LRRC8B: variants seen among roughly 807,000 people sequenced by gnomAD.
LRRC8B encodes volume-regulated anion channel subunit LRRC8B.
Under a neutral mutation model 58.8 loss-of-function variants are expected in LRRC8B, and 23 were observed. The observed-to-expected ratio is 0.39, with a 90% CI of 0.28 to 0.55. The LOEUF is 0.55. LRRC8B is among the 20% of genes least tolerant of loss of function. The probability of loss-of-function intolerance (pLI) is 0.62; values close to 1 mark genes in which losing one functional copy is unlikely to be tolerated. For missense variants in LRRC8B, 694 were observed against 936.0 expected (o/e 0.74, Z 3.37); for synonymous variants, 359 against 374.1 (o/e 0.96, Z 0.47).
chr1:89,531,459 A>G (rs186813283), intron 1 of LRRC8B, among the ~76,000 whole-genome samples: 4 of 152,316 alleles, frequency 2.6e-5, no homozygotes, highest in Non-Finnish European at 5.9e-5. Flanking sequence ...AAAACAGGTA[A>G]TGGTGGTAAA....
chr1:89,583,932 A>T lies in LRRC8B; in HGVS notation c.1282A>T (p.Met428Leu). Residue 428 changes from methionine (M) to leucine (L), a missense_variant, in exon 5 of 6, where the codon ATG (methionine) becomes TTG (leucine). Physicochemically the swap from Met to Leu is conservative, Grantham distance 15. Coordinates refer to ENST00000330947, the MANE Select transcript of LRRC8B (RefSeq NM_001369817.2). The surrounding 1 kb of genome is among the most constrained non-coding windows in gnomAD (Gnocchi z 5.2). ...AQDKIELHLF[M>L]LNGLPDNVFE... ...GGACAAGATAGAACTGCATCTTTTT[A>T]TGCTCAACGGTCTTCCAGACAATGT... The T allele has an allele frequency of 6.2e-7, 1 of 1,614,194 alleles. No individual in the cohort carries two copies. The highest frequency in any genetic ancestry group is 8.5e-7 in the Non-Finnish European group (1 of 1,180,024).
intron 1 of LRRC8B, among the ~76,000 whole-genome samples, chr1:89,547,929 A>G (rs1407818106): frequency 6.6e-6 from 1 of 152,232 alleles, no homozygotes; most frequent in African/African-American, 2.4e-5. Flanking sequence ...GCTACATGAC[A>G]GCTGTGTACC....
intron 1 of LRRC8B, among the ~76,000 whole-genome samples, chr1:89,532,253 T>G (rs72957879): frequency 0.021 from 3,232 of 152,260 alleles, 122 homozygotes; most frequent in African/African-American, 0.074. Context: ...TATGCTCTAT[T>G]CCCCTCACCC....
intron 3 of LRRC8B, among the ~76,000 whole-genome samples, chr1:89,568,989 A>G (rs968150872): frequency 1.3e-5 from 2 of 152,170 alleles, no homozygotes; most frequent in African/African-American, 2.4e-5. Context: ...CTTTCTGCAA[A>G]CATCATTCTT....
At position 89,582,482 on chromosome 1, in the gene LRRC8B, G is replaced by GCCCCTTAATCAGC. The variant is rs1553159389; in HGVS notation, c.-26-142_-26-130dup. The stretch of plus-strand genomic sequence containing the variant: ...TCAAATGAAACCAGAAGACTTATGT[G>GCCCCTTAATCAGC]CCCCTTAATCAGCTCTTCCTTTTAG... On this transcript the variant is annotated intron_variant, in intron 4 of 5. Coordinates refer to ENST00000330947, the MANE Select transcript of LRRC8B (RefSeq NM_001369817.2). The GCCCCTTAATCAGC allele has an allele frequency of 1.2e-5, 7 of 600,958 alleles. No homozygotes were observed. The East Asian group carries it at 1.7e-4, about 14-fold the overall frequency. The allele number at this position is 600,958 out of a possible 1,614,324, so 37.2% of individuals were successfully genotyped here.
At chr1:89,564,105 T>C (rs1163842316) in intron 1 of LRRC8B, among the ~76,000 whole-genome samples, 3 of 152,260 alleles carry the variant, frequency 2.0e-5, no homozygotes, top group Non-Finnish European at 4.4e-5. Context: ...AAAACACTGT[T>C]ATTTAACTAC....
chr1:89,571,980 G>A (rs1653505669), intron 3 of LRRC8B, among the ~76,000 whole-genome samples: 1 of 152,096 alleles, frequency 6.6e-6, no homozygotes, highest in Non-Finnish European at 1.5e-5. Context: ...CTGTCTCAAT[G>A]ATCTGTCTAA....
intron 1 of LRRC8B, among the ~76,000 whole-genome samples, chr1:89,531,648 G>A (rs116683361): frequency 0.011 from 1,652 of 152,272 alleles, 14 homozygotes; most frequent in Non-Finnish European, 0.014. Context: ...CCTAGATCCA[G>A]ACAGACAAGG....
At chr1:89,535,047 T>TCC (rs1650429673) in intron 1 of LRRC8B, among the ~76,000 whole-genome samples, 1 of 152,074 alleles carries the variant, frequency 6.6e-6, no homozygotes, top group African/African-American at 2.4e-5. Flanking sequence ...AATAAGATGT[T>TCC]TGCCTTTCTT....
intron 1 of LRRC8B, among the ~76,000 whole-genome samples, chr1:89,563,129 C>G (rs182732193): frequency 2.2e-4 from 33 of 152,116 alleles, no homozygotes; most frequent in African/African-American, 7.0e-4. Flanking sequence ...GCAATAAGAA[C>G]AGTTTTCCTG....
At chr1:89,572,209 C>T (rs944994612) in intron 3 of LRRC8B, among the ~76,000 whole-genome samples, 13 of 152,256 alleles carry the variant, frequency 8.5e-5, no homozygotes, top group African/African-American at 2.4e-4. Context: ...CTGAGAGGTT[C>T]GCTATTAGTC....
chr1:89,586,219 C>T (rs1157387699), intron 5 of LRRC8B, among the ~76,000 whole-genome samples: 1 of 152,160 alleles, frequency 6.6e-6, no homozygotes, highest in Non-Finnish European at 1.5e-5. Context: ...AGACGTAGGA[C>T]CCAAGAGTTT....
At position 89,583,659 on chromosome 1, in the gene LRRC8B, A is replaced by T; in HGVS notation, c.1009A>T (p.Met337Leu). The T allele has an allele frequency of 6.2e-7, 1 of 1,613,710 alleles. No individual in the cohort carries two copies. The highest frequency in any genetic ancestry group is 8.5e-7 in the Non-Finnish European group (1 of 1,180,022). The part of the protein sequence containing the change: ...GLTSSYSLWW[M>L]LRSSLKQYSF... ...GACCTCTTCCTACAGCCTGTGGTGGATGCTGAGGAGTTCCCTGAAGCAATA... is the reference window on the plus strand; with the variant it reads ...GACCTCTTCCTACAGCCTGTGGTGGTTGCTGAGGAGTTCCCTGAAGCAATA... Residue 337 changes from methionine (M) to leucine (L), a missense_variant, in exon 5 of 6, where the codon ATG becomes TTG. Physicochemically the swap from Met to Leu is conservative, Grantham distance 15. Coordinates refer to ENST00000330947, the MANE Select transcript of LRRC8B (RefSeq NM_001369817.2). The surrounding 1 kb of genome is among the most constrained non-coding windows in gnomAD (Gnocchi z 5.2).
rs1654332468 is a variant in LRRC8B at position 89,582,844 on chromosome 1, A to T, written c.194A>T (p.His65Leu). Residue 65 changes from histidine (H) to leucine (L), a missense_variant, in exon 5 of 6, where the codon CAC becomes CTC. Physicochemically the swap from His to Leu is moderately conservative, Grantham distance 99 (BLOSUM62 -3). Around this residue, in one of 5 missense-constraint regions of LRRC8B, gnomAD observed 316 missense variants for 403.8 expected, o/e 0.78. Coordinates refer to ENST00000330947, the MANE Select transcript of LRRC8B (RefSeq NM_001369817.2). Reference protein sequence around the residue: ...CLPCKVEFDNHCAVPWDILKA... With the variant: ...CLPCKVEFDNLCAVPWDILKA... The stretch of plus-strand genomic sequence containing the variant: ...CCATGCAAAGTGGAATTTGACAATC[A>T]CTGTGCCGTGCCTTGGGACATCCTG... 1 of 1,614,034 alleles carries T rather than the reference A, an allele frequency of 6.2e-7. No individual in the cohort carries two copies. The highest frequency in any genetic ancestry group is 1.1e-5 in the South Asian group (1 of 91,084).
intron 1 of LRRC8B, among the ~76,000 whole-genome samples, chr1:89,556,722 G>A (rs958405651): frequency 1.3e-5 from 2 of 152,190 alleles, no homozygotes; most frequent in African/African-American, 4.8e-5. Flanking sequence ...GGCAACCAGT[G>A]ATTTTGACTA....
intron 1 of LRRC8B, among the ~76,000 whole-genome samples, chr1:89,563,772 A>G (rs1302233978): frequency 6.6e-6 from 1 of 152,198 alleles, no homozygotes; most frequent in East Asian, 1.9e-4. Context: ...TAATTCTTAA[A>G]ACAACTCCAT....
chr1:89,564,785 G>A (rs1652927691), intron 1 of LRRC8B, among the ~76,000 whole-genome samples: 1 of 152,146 alleles, frequency 6.6e-6, no homozygotes, highest in Non-Finnish European at 1.5e-5. Flanking sequence ...AAGCATGAAG[G>A]ACTAACTACT....
intron 1 of LRRC8B, among the ~76,000 whole-genome samples, chr1:89,559,998 C>A (rs1212705903): frequency 6.6e-6 from 1 of 152,190 alleles, no homozygotes; most frequent in Non-Finnish European, 1.5e-5. Flanking sequence ...TATTCCCTAG[C>A]TCCAATCACA....
intron 5 of LRRC8B, among the ~76,000 whole-genome samples, chr1:89,591,251 A>G (rs1654954977): frequency 1.3e-5 from 2 of 152,150 alleles, no homozygotes; most frequent in South Asian, 4.1e-4. Flanking sequence ...ACCAACAAGC[A>G]CTCTTAATAA....
Sources: gnomAD v4.1 joint callset for allele counts (sites outside exome capture counted in the v4.1 genomes callset) on GRCh38, gnomAD v4.1.1 for gene constraint, gnomAD v4.1.1 regional missense constraint, Gnocchi (gnomAD v3.1) non-coding constraint, MANE v1.5 for transcripts, NCBI Gene and HGNC (gene_info 2026-07-23, HGNC 2026-07-21) for gene names.